Variants in EFNA5 observed in about 807,000 individuals in gnomAD.
EFNA5 encodes the protein ephrin A5, also known as ephrin-A5.
Under a neutral mutation model 22.9 loss-of-function variants are expected in EFNA5, and 5 were observed. The ratio of observed to expected loss-of-function variants is 0.22; its 90% CI spans 0.11 to 0.46. The LOEUF (loss-of-function observed/expected upper bound fraction) is 0.46, where lower values mean the gene tolerates loss of function less well. EFNA5 is among the 20% of genes least tolerant of loss of function. EFNA5 has a pLI of 0.99. For missense variants in EFNA5, 237 were observed against 293.3 expected, an observed-to-expected ratio of 0.81 and a Z score of 1.40; for synonymous variants, 113 against 112.2, an observed-to-expected ratio of 1.01 and a Z score of -0.04.
intron 2 of EFNA5, among the ~76,000 whole-genome samples, chr5:107,416,330 C>T (rs1028055446): frequency 1.3e-5 from 2 of 152,140 alleles, no homozygotes; most frequent in Non-Finnish European, 2.9e-5. Flanking sequence ...CTACTTTTAA[C>T]GTCTTTTAAA....
rs1750290009 is a variant in EFNA5 at position 107,632,962 on chromosome 5, C to A, written c.125+37527G>T. Reference sequence around the variant, plus strand: ...CAGTATTTTACTTTTCTTTCTATGCCTTTAATCTGCACTAAACTAATTCTG... The same window carrying A: ...CAGTATTTTACTTTTCTTTCTATGCATTTAATCTGCACTAAACTAATTCTG... On this transcript the variant is annotated intron_variant, in intron 1 of 4. Coordinates refer to ENST00000333274, the MANE Select transcript of EFNA5 (RefSeq NM_001962.3). Among the ~76,000 whole-genome samples the A allele has an allele frequency of 3.3e-5, 5 of 152,042 alleles. No homozygotes were observed. In the South Asian group the frequency reaches 1.0e-3, roughly 32 times the overall value.
At chr5:107,412,236 T>C (rs559023573) in intron 2 of EFNA5, among the ~76,000 whole-genome samples, 37 of 152,306 alleles carry the variant, frequency 2.4e-4, no homozygotes, top group Non-Finnish European at 4.6e-4. Context: ...TGTAATTTTA[T>C]TAGTGAAGTG....
At chr5:107,657,383 T>C (rs192939296) in intron 1 of EFNA5, among the ~76,000 whole-genome samples, 2 of 152,200 alleles carry the variant, frequency 1.3e-5, no homozygotes, top group African/African-American at 4.8e-5. Context: ...TCTATGAGAA[T>C]CATAAAACTG....
intron 1 of EFNA5, among the ~76,000 whole-genome samples, chr5:107,659,014 T>C (rs932004999): frequency 6.6e-6 from 1 of 152,184 alleles, no homozygotes. Flanking sequence ...TATGGTACTA[T>C]TTTATACTCT....
At chr5:107,483,022 G>T (rs1018003970) in intron 1 of EFNA5, among the ~76,000 whole-genome samples, 8 of 151,852 alleles carry the variant, frequency 5.3e-5, no homozygotes, top group African/African-American at 1.5e-4. Context: ...CATGAACCTC[G>T]GGAAAACAAT....
chr5:107,391,052 G>A (rs535724292), intron 2 of EFNA5, among the ~76,000 whole-genome samples: 9 of 152,226 alleles, frequency 5.9e-5, no homozygotes, highest in African/African-American at 1.7e-4. Context: ...CCAGCTACTC[G>A]GGAGGCTAAT....
intron 1 of EFNA5, among the ~76,000 whole-genome samples, chr5:107,650,069 A>AACG (rs779704444): frequency 6.6e-6 from 1 of 152,178 alleles, no homozygotes; most frequent in Non-Finnish European, 1.5e-5. Flanking sequence ...TAATGGGAAC[A>AACG]CATGCAAAAA....
chr5:107,513,754 T>C (rs153118), intron 1 of EFNA5, among the ~76,000 whole-genome samples: 20,272 of 152,086 alleles, frequency 0.13, 1,998 homozygotes, highest in African/African-American at 0.28. Flanking sequence ...GGCTCTTCAC[T>C]GAGATACTGG....
At chr5:107,542,987 T>G (rs965262112) in intron 1 of EFNA5, among the ~76,000 whole-genome samples, 7 of 151,966 alleles carry the variant, frequency 4.6e-5, no homozygotes, top group Non-Finnish European at 8.8e-5. Context: ...AATAAATAAA[T>G]AAATAAATAA....
intron 1 of EFNA5, among the ~76,000 whole-genome samples, chr5:107,559,733 T>A (rs1242381431): frequency 1.3e-5 from 2 of 152,238 alleles, no homozygotes; most frequent in African/African-American, 2.4e-5. Flanking sequence ...ATAGCCATCC[T>A]GGTGCTAGGA....
intron 1 of EFNA5, among the ~76,000 whole-genome samples, chr5:107,622,881 C>T (rs164690): frequency 0.24 from 36,807 of 150,538 alleles, 5,051 homozygotes; most frequent in Non-Finnish European, 0.31. Flanking sequence ...ATTAGCCGGG[C>T]GCGGTGGCGG....
chr5:107,434,483 A>G (rs1388721561), intron 1 of EFNA5, among the ~76,000 whole-genome samples: 1 of 152,236 alleles, frequency 6.6e-6, no homozygotes, highest in African/African-American at 2.4e-5. Flanking sequence ...TCCTCCTTTC[A>G]TTCCATCCTC....
At chr5:107,458,801 T>C (rs1353755211) in intron 1 of EFNA5, among the ~76,000 whole-genome samples, 1 of 152,174 alleles carries the variant, frequency 6.6e-6, no homozygotes, top group Admixed American at 6.6e-5. Context: ...AAGTATTTTC[T>C]TATTGTGTGC....
intron 1 of EFNA5, among the ~76,000 whole-genome samples, chr5:107,631,081 T>A (rs545247375): frequency 3.4e-4 from 52 of 152,202 alleles, no homozygotes; most frequent in Non-Finnish European, 5.6e-4. Flanking sequence ...TGTTTTGCAG[T>A]TAACTTTTTT....
rs1378341575 is a variant in EFNA5, at chr5:107,592,007, A to T, written c.125+78482T>A. Among the ~76,000 whole-genome samples, 57 of 47,694 alleles carry T rather than the reference A, an allele frequency of 1.2e-3. 1 individual carries two copies. Among genetic ancestry groups the T allele is most frequent in the African/African-American group, 1.6e-3 (12 of 7,520 alleles). 31.3% of individuals were successfully genotyped at this position (47,694 alleles called of 152,430 possible). On this transcript the variant is annotated intron_variant, in intron 1 of 4. Coordinates refer to ENST00000333274, the MANE Select transcript of EFNA5 (RefSeq NM_001962.3). ...TAATATATAATATATATAATATATAATATATATAATATAATATATATTATA... is the reference window on the plus strand; with the variant it reads ...TAATATATAATATATATAATATATATTATATATAATATAATATATATTATA...
chr5:107,498,994 G>GTATGTATGTA (rs1305620427), intron 1 of EFNA5, among the ~76,000 whole-genome samples: 4 of 41,302 alleles, frequency 9.7e-5, no homozygotes, highest in East Asian at 1.3e-3. Context: ...GTATGTATGT[G>GTATGTATGTA]TATCAGCCAA....
chr5:107,631,203 A>G (rs896255089), intron 1 of EFNA5, among the ~76,000 whole-genome samples: 2 of 152,004 alleles, frequency 1.3e-5, no homozygotes, highest in Admixed American at 1.3e-4. Context: ...GGCCACCATT[A>G]TAAATGTAGT....
chr5:107,600,626 A>G (rs939435551), intron 1 of EFNA5, among the ~76,000 whole-genome samples: 1 of 151,870 alleles, frequency 6.6e-6, no homozygotes, highest in Non-Finnish European at 1.5e-5. Flanking sequence ...AGCTGGGATT[A>G]CAGGCATGCA....
chr5:107,435,221 G>A (rs1749076664), intron 1 of EFNA5, among the ~76,000 whole-genome samples: 1 of 151,076 alleles, frequency 6.6e-6, no homozygotes, highest in African/African-American at 2.4e-5. Flanking sequence ...AGCAGTCTCT[G>A]TTGTATAACA....
Sources: allele counts gnomAD v4.1 joint callset (sites outside exome capture counted in the v4.1 genomes callset), GRCh38; gene constraint gnomAD v4.1.1; transcripts MANE v1.5; gene names NCBI Gene and HGNC (gene_info 2026-07-23, HGNC 2026-07-21).